The following RAI14 variants were observed in gnomAD, a reference collection of about 807,000 sequenced individuals.
RAI14 encodes the protein ankycorbin.
A neutral mutation model predicts 115.4 loss-of-function variants in RAI14; 45 were observed. The ratio of observed to expected loss-of-function variants is 0.39; its 90% CI spans 0.31 to 0.50. RAI14 has a LOEUF of 0.50. Ranked by LOEUF, RAI14 falls within the 20% of genes least tolerant of loss-of-function variation. The probability of loss-of-function intolerance (pLI) is 0.85; values close to 1 mark genes in which losing one functional copy is unlikely to be tolerated. For missense variants in RAI14, 939 were observed against 1,131.2 expected (o/e 0.83, Z 2.44); for synonymous variants, 371 against 415.4 (o/e 0.89, Z 1.30).
intron 12 of RAI14, among the ~76,000 whole-genome samples, chr5:34,816,042 G>A (rs115000299): frequency 0.012 from 1,859 of 152,186 alleles, 29 homozygotes; most frequent in African/African-American, 0.041. Flanking sequence ...TTATATTTCA[G>A]GAACTTCTCT....
Position 34,811,892 on chromosome 5 carries a change from C to T in RAI14, c.683C>T (p.Ser228Leu), listed in dbSNP as rs1184747111. The stretch of plus-strand genomic sequence containing the variant: ...AATGCCTTACATTATTCCAAACTCT[C>T]AGAAAATGCAGGAATTCAAAGCCTT... Reference protein sequence around the residue: ...GYNALHYSKLSENAGIQSLLL... With the variant: ...GYNALHYSKLLENAGIQSLLL... The change falls in exon 9 of 18, where the codon TCA (serine) becomes TTA (leucine). Residue 228 changes from serine to leucine, a missense_variant. Ser to Leu is a moderately radical substitution (Grantham distance 145). Transcript: ENST00000265109. 2 of 1,613,228 alleles carry T rather than the reference C, an allele frequency of 1.2e-6. No individual in the cohort carries two copies. Among genetic ancestry groups the T allele is most frequent in the Admixed American group, 1.7e-5 (1 of 59,938 alleles).
rs964160282 is a variant in RAI14, at chr5:34,823,460, C to T, written c.1618C>T (p.Gln540Ter). The change falls in exon 15 of 18, where the codon CAG becomes TAG. Residue 540 changes from glutamine (Q) to a stop codon, truncating the protein, a stop_gained. Coordinates refer to ENST00000265109, the MANE Select transcript of RAI14 (RefSeq NM_015577.3). LOFTEE classifies it high-confidence loss of function. This position sits in a 1 kb window ranked among gnomAD's most constrained non-coding sequence, Gnocchi z 4.5. ...AATAAATGTGCTAAAGCAGGATCTG[C>T]AGAATGCATTAGAAGAAAGTGAAAG... ...EEINVLKQDL[Q>*]NALEESERNK... The T allele has an allele frequency of 6.2e-7, 1 of 1,613,774 alleles. No homozygotes were observed. Among genetic ancestry groups the T allele is most frequent in the African/African-American group, 1.3e-5 (1 of 74,814 alleles).
At chr5:34,742,660 G>T (rs1476438705) in intron 2 of RAI14, among the ~76,000 whole-genome samples, 7 of 151,922 alleles carry the variant, frequency 4.6e-5, no homozygotes, top group African/African-American at 7.2e-5. Flanking sequence ...TGTTTTTTTT[G>T]TTTTGTTTTG....
intron 1 of RAI14, among the ~76,000 whole-genome samples, chr5:34,668,803 T>C (rs1394924617): frequency 6.6e-6 from 1 of 152,182 alleles, no homozygotes; most frequent in East Asian, 1.9e-4. Flanking sequence ...TGTCTGCCGC[T>C]AACTTCATGA....
intron 1 of RAI14, among the ~76,000 whole-genome samples, chr5:34,678,785 A>G (rs562238075): frequency 6.6e-6 from 1 of 152,266 alleles, no homozygotes; most frequent in Non-Finnish European, 1.5e-5. Context: ...CCTCTTCTGC[A>G]GTTCCCTTGT....
At chr5:34,746,370 G>A (rs1206004274) in intron 2 of RAI14, among the ~76,000 whole-genome samples, 1 of 146,198 alleles carries the variant, frequency 6.8e-6, no homozygotes, top group African/African-American at 2.5e-5. Context: ...CTCCCAAAGT[G>A]CTGGGATTAC....
In RAI14 at chr5:34,674,111, C is replaced by CA. The variant is rs796321048; in HGVS notation, c.-48-12751dup. ...CACCCCCTCTCTGTTGGACTGCAGA[C>CA]AAAAAAAAAATCCTTTTTTTGAATA... On this transcript the variant is annotated intron_variant, in intron 1 of 17. Coordinates refer to ENST00000265109, the MANE Select transcript of RAI14 (RefSeq NM_015577.3). Among the ~76,000 whole-genome samples the CA allele has an allele frequency of 6.0e-4, 89 of 147,316 alleles. No individual in the cohort carries two copies. The South Asian group carries it at 6.3e-3, about 10-fold the overall frequency.
At chr5:34,806,980 A>G (rs1489010402) in intron 5 of RAI14, among the ~76,000 whole-genome samples, 1 of 152,222 alleles carries the variant, frequency 6.6e-6, no homozygotes, top group African/African-American at 2.4e-5. Context: ...AGTGGAAGTA[A>G]TGATAGTATC....
At chr5:34,689,366 C>T (rs928643389) in intron 2 of RAI14, among the ~76,000 whole-genome samples, 1 of 152,060 alleles carries the variant, frequency 6.6e-6, no homozygotes, top group Non-Finnish European at 1.5e-5. Context: ...GTTCACGCCA[C>T]TGCACTCCAG....
At chr5:34,758,060 G>A (rs532159598) in intron 3 of RAI14, among the ~76,000 whole-genome samples, 1 of 152,292 alleles carries the variant, frequency 6.6e-6, no homozygotes, top group East Asian at 1.9e-4. Context: ...AATTAAAGCT[G>A]TATATTTGAT....
chr5:34,720,701 C>T (rs936319238), intron 2 of RAI14, among the ~76,000 whole-genome samples: 1 of 151,942 alleles, frequency 6.6e-6, no homozygotes, highest in Non-Finnish European at 1.5e-5. Flanking sequence ...TGAGCCACCG[C>T]GCCCGGCAGA....
intron 2 of RAI14, among the ~76,000 whole-genome samples, chr5:34,730,447 C>A (rs187198418): frequency 6.6e-6 from 1 of 152,068 alleles, no homozygotes; most frequent in African/African-American, 2.4e-5. Flanking sequence ...GAGGCTGAAG[C>A]AGGCAGGTCT....
intron 3 of RAI14, among the ~76,000 whole-genome samples, chr5:34,764,240 G>GC (rs1232525604): frequency 6.6e-6 from 1 of 152,154 alleles, no homozygotes; most frequent in Non-Finnish European, 1.5e-5. Flanking sequence ...TGAGTTCAGG[G>GC]CCCCACTCAC....
intron 2 of RAI14, among the ~76,000 whole-genome samples, chr5:34,744,339 A>G (rs747096032): frequency 6.6e-6 from 1 of 152,226 alleles, no homozygotes; most frequent in Non-Finnish European, 1.5e-5. Context: ...TTATAAAGCA[A>G]ATAATCTTGT....
chr5:34,812,122 A>G, intron 9 of RAI14, 58 bp from the exon 10 acceptor site: 2 of 1,476,888 alleles, frequency 1.4e-6, no homozygotes, highest in Non-Finnish European at 1.9e-6. Context: ...CCCCCACCCA[A>G]AGTGAATATG....
rs116701723 is a variant in RAI14 at position 34,659,785 on chromosome 5, C to A, written c.-49+3310C>A. ...CAAATATTTAGGGTGCTTGTATGGT[C>A]TTGGCTATCTGTTGACTAAAAAAGT... On this transcript the variant is annotated intron_variant, in intron 1 of 17. Transcript: ENST00000265109. 6.1e-3 allele frequency among the ~76,000 whole-genome samples: 935 copies of A among 152,198 alleles called. 7 individuals carry two copies. The highest frequency in any genetic ancestry group is 0.022 in the African/African-American group (893 of 41,508).
intron 2 of RAI14, among the ~76,000 whole-genome samples, chr5:34,697,100 T>C (rs1739342610): frequency 6.7e-6 from 1 of 150,106 alleles, no homozygotes; most frequent in Admixed American, 6.6e-5. Context: ...CACTGCACTC[T>C]AGCCTGGCCG....
rs545788098 is a variant in RAI14, at chr5:34,796,165, T to A, written c.256+138T>A. ...ATTACAGCACTCTGCGAGGGTGAGG[T>A]GTGTGGATCACTTGAGGCCAGGAGT... On this transcript the variant is annotated intron_variant, in intron 4 of 17. Coordinates refer to ENST00000265109, the MANE Select transcript of RAI14 (RefSeq NM_015577.3). 192 of 640,320 alleles carry A rather than the reference T, an allele frequency of 3.0e-4. 1 individual carries two copies. In the South Asian group the frequency reaches 3.9e-3, roughly 13 times the overall value. The allele number at this position is 640,320 out of a possible 1,614,324, so 39.7% of individuals were successfully genotyped here. A position where few individuals can be genotyped will look rare whatever the true frequency, so the allele number is the denominator to read the frequency against.
Position 34,808,576 on chromosome 5 carries a change from TC to T in RAI14, c.380-3del, listed in dbSNP as rs1561064519. ...TTGGCTGTGGTATTTATATTTTCCT[TC>T]CCCCAGCGGCTCAGGGCTGCCTTCA... On this transcript the variant is annotated splice_polypyrimidine_tract_variant and splice_region_variant and intron_variant, in intron 6 of 17. Transcript: ENST00000265109. The T allele has an allele frequency of 1.2e-6, 2 of 1,613,796 alleles. No homozygotes were observed. Among genetic ancestry groups the T allele is most frequent in the African/African-American group, 2.7e-5 (2 of 75,012 alleles).
Sources: allele counts gnomAD v4.1 joint callset (sites outside exome capture counted in the v4.1 genomes callset), GRCh38; gene constraint gnomAD v4.1.1; non-coding constraint Gnocchi (gnomAD v3.1); transcripts MANE v1.5; gene names NCBI Gene and HGNC (gene_info 2026-07-23, HGNC 2026-07-21).